The following ARCN1 variants were observed in gnomAD, a reference collection of about 807,000 sequenced individuals.
ARCN1 encodes coatomer subunit delta.
A neutral mutation model predicts 60.4 loss-of-function variants in ARCN1; 5 were observed. The observed-to-expected ratio is 0.08, with a 90% CI of 0.04 to 0.17. The LOEUF is 0.17. Among genes scored for constraint, ARCN1 ranks in the 10% least tolerant of loss-of-function variants. ARCN1 has a pLI of 1.00. For synonymous variants in ARCN1, 224 were observed against 220.0 expected (o/e 1.02, Z -0.16); for missense variants, 464 against 626.5 (o/e 0.74, Z 2.77).
intron 8 of ARCN1, chr11:118,594,056 A>G (rs1938972690): frequency 6.2e-6 from 1 of 162,234 alleles, no homozygotes; most frequent in Non-Finnish European, 1.3e-5. Flanking sequence ...GGCCCTGTGC[A>G]AGGCTGACAT....
At chr11:118,573,700 G>A (rs1938412386) in intron 1 of ARCN1, 1 of 701,698 alleles carries the variant, frequency 1.4e-6, no homozygotes. Context: ...AAGTTCTATT[G>A]ACAACCCTTT....
At chr11:118,590,175 A>G (rs1482526274) in intron 5 of ARCN1, among the ~76,000 whole-genome samples, 166 bp from the exon 6 acceptor site, 3 of 151,796 alleles carry the variant, frequency 2.0e-5, no homozygotes, top group African/African-American at 7.3e-5. Context: ...TTGTATTTTT[A>G]GTAGAGACGG....
At position 118,583,940 on chromosome 11, in the gene ARCN1, A is replaced by G. The variant is rs1555075058; in HGVS notation, c.579A>G (p.Gly193=). ...GATTTGGCAGCTCTGCAGTATCTGG[A>G]GGCAGCACAGCTGCCATGATCACAG... is the stretch of plus-strand genomic sequence containing the variant. The part of the protein sequence containing the change: ...FGGFGSSAVS[G]GSTAAMITET... Residue 193 remains glycine (G), a synonymous_variant, in exon 4 of 10, where the codon GGA becomes GGG. Coordinates refer to ENST00000264028, the MANE Select transcript of ARCN1 (RefSeq NM_001655.5). 1 of 1,614,258 alleles carries G rather than the reference A, an allele frequency of 6.2e-7. No individual in the cohort carries two copies. Among genetic ancestry groups the G allele is most frequent in the East Asian group, 2.2e-5 (1 of 44,888 alleles).
At chr11:118,581,579 C>A in intron 2 of ARCN1, 70 bp downstream of exon 2, 1 of 1,509,518 alleles carries the variant, frequency 6.6e-7, no homozygotes, top group Non-Finnish European at 8.9e-7. Context: ...GTTTTTCCTC[C>A]AAAGCAGCTG....
At chr11:118,583,703 A>T in intron 3 of ARCN1, 106 bp from the exon 4 acceptor site, 1 of 1,159,186 alleles carries the variant, frequency 8.6e-7, no homozygotes, top group Non-Finnish European at 1.2e-6. Flanking sequence ...GGCTGCAGTG[A>T]GCTGTGATTG....
rs1464209753 is a variant in ARCN1 at position 118,572,428 on chromosome 11, C to A, written c.-120C>A. 4 of 931,102 alleles carry A rather than the reference C, an allele frequency of 4.3e-6. No individual in the cohort carries two copies. Among genetic ancestry groups the A allele is most frequent in the Non-Finnish European group, 4.4e-6 (3 of 678,282 alleles). 57.7% of individuals were successfully genotyped at this position (931,102 alleles called of 1,614,324 possible). On this transcript the variant is annotated 5_prime_UTR_variant, in exon 1 of 10. Transcript: ENST00000264028. ...GCCGCCATCTTGGCAAGAGGCGAAG[C>A]GGCAGCGGTTCCTGTCAAGGGGGCA...
intron 6 of ARCN1, among the ~76,000 whole-genome samples, chr11:118,591,924 A>AT (rs1294114236): frequency 1.3e-5 from 2 of 150,418 alleles, no homozygotes; most frequent in African/African-American, 4.9e-5. Context: ...TTATTTATTT[A>AT]TTTTTTATTT....
Position 118,583,033 on chromosome 11 carries a change from T to C in ARCN1, c.268-146T>C. On this transcript the variant is annotated intron_variant, in intron 2 of 9. Transcript: ENST00000264028. Reference sequence around the variant, plus strand: ...TCCAGCGTGGGCAGCAGAGCGAGACTCTGTCCCAAAAAATAAAATAAAGAC... The same window carrying C: ...TCCAGCGTGGGCAGCAGAGCGAGACCCTGTCCCAAAAAATAAAATAAAGAC... The C allele has an allele frequency of 1.5e-5, 14 of 936,828 alleles. No individual in the cohort carries two copies. The South Asian group carries it at 2.3e-4, about 15-fold the overall frequency. The allele number at this position is 936,828 out of a possible 1,614,324, so 58.0% of individuals were successfully genotyped here. A position where few individuals can be genotyped will look rare whatever the true frequency, so the allele number is the denominator to read the frequency against.
rs139270187 is a variant in ARCN1 at position 118,598,195 on chromosome 11, G to T, written c.1446+284G>T. 9.1e-4 allele frequency among the ~76,000 whole-genome samples: 139 copies of T among 152,026 alleles called. 4 individuals carry two copies. In the East Asian group the frequency reaches 0.012, roughly 13 times the overall value. ...ATGCAAGATTCATAAACACTTAGTTGCCTGTTTTTTTTTAACCTTATATAT... is the reference window on the plus strand; with the variant it reads ...ATGCAAGATTCATAAACACTTAGTTTCCTGTTTTTTTTTAACCTTATATAT... On this transcript the variant is annotated intron_variant, in intron 9 of 9. Coordinates refer to ENST00000264028, the MANE Select transcript of ARCN1 (RefSeq NM_001655.5).
intron 1 of ARCN1, among the ~76,000 whole-genome samples, chr11:118,578,281 A>G (rs546116197): frequency 2.1e-4 from 32 of 152,092 alleles, no homozygotes; most frequent in African/African-American, 6.5e-4. Context: ...GTTTTTACCT[A>G]AATTTTACTT....
intron 2 of ARCN1, among the ~76,000 whole-genome samples, chr11:118,581,763 C>A (rs190748277): frequency 1.6e-4 from 24 of 152,254 alleles, no homozygotes; most frequent in African/African-American, 5.3e-4. Context: ...ATCTGCCGTT[C>A]TAGTTCTGAC....
intron 5 of ARCN1, among the ~76,000 whole-genome samples, chr11:118,587,032 G>C (rs1555075590): frequency 6.6e-6 from 1 of 152,088 alleles, no homozygotes; most frequent in Non-Finnish European, 1.5e-5. Flanking sequence ...TGATGCCTTT[G>C]TTTCTAGGAA....
chr11:118,601,551 C>T lies in ARCN1; in HGVS notation c.*837C>T. On this transcript the variant is annotated 3_prime_UTR_variant, in exon 10 of 10. Coordinates refer to ENST00000264028, the MANE Select transcript of ARCN1 (RefSeq NM_001655.5). ...CAGGCATTATATTTATTTGGCACTC[C>T]TGGAACAAGTATATCTAACCCATTC... is the stretch of plus-strand genomic sequence containing the variant. 1.5e-6 allele frequency: 1 copy of T among 680,300 alleles called. No individual in the cohort carries two copies. Among genetic ancestry groups the T allele is most frequent in the Admixed American group, 2.1e-5 (1 of 47,320 alleles). The allele number at this position is 680,300 out of a possible 1,614,324, so 42.1% of individuals were successfully genotyped here.
chr11:118,572,648 AG>A (rs1938373882), intron 1 of ARCN1, 98 bp downstream of exon 1: 1 of 1,490,372 alleles, frequency 6.7e-7, no homozygotes. Flanking sequence ...CCCCGCCCTG[AG>A]GGTCTAGGGC....
At chr11:118,573,972 T>G (rs189971974) in intron 1 of ARCN1, among the ~76,000 whole-genome samples, 28 of 152,316 alleles carry the variant, frequency 1.8e-4, no homozygotes, top group Admixed American at 3.9e-4. Context: ...AATAGTAAAG[T>G]TAAGGTCTTG....
intron 5 of ARCN1, among the ~76,000 whole-genome samples, chr11:118,587,134 T>A (rs1938797320): frequency 1.3e-5 from 2 of 152,224 alleles, no homozygotes; most frequent in South Asian, 4.1e-4. Flanking sequence ...TGTCTATTAC[T>A]GAATATGAAT....
intron 9 of ARCN1, 82 bp from the exon 10 acceptor site, chr11:118,600,543 A>T (rs1591394140): frequency 1.1e-6 from 1 of 875,748 alleles, no homozygotes; most frequent in African/African-American, 1.8e-5. Context: ...AGGGAAATTG[A>T]TATGTTCTGT....
intron 1 of ARCN1, among the ~76,000 whole-genome samples, chr11:118,574,443 A>G (rs1200708842): frequency 3.3e-5 from 5 of 152,204 alleles, no homozygotes; most frequent in African/African-American, 4.8e-5. Context: ...GAAAAGTTGA[A>G]AGAACTTTGT....
intron 6 of ARCN1, 82 bp downstream of exon 6, chr11:118,590,588 C>T: frequency 8.4e-6 from 12 of 1,427,292 alleles, no homozygotes; most frequent in Non-Finnish European, 1.2e-5. Flanking sequence ...CCAATATGAA[C>T]CACAGAAAAT....
Sources: allele counts gnomAD v4.1 joint callset (sites outside exome capture counted in the v4.1 genomes callset), GRCh38; gene constraint gnomAD v4.1.1; transcripts MANE v1.5; gene names NCBI Gene and HGNC (gene_info 2026-07-23, HGNC 2026-07-21).